Variants in SLC6A12 observed in about 807,000 individuals in gnomAD.
SLC6A12 encodes solute carrier family 6 member 12, also known as sodium- and chloride-dependent betaine transporter.
In SLC6A12, 50 loss-of-function variants were observed where a neutral mutation model predicts 73.3. The observed-to-expected ratio is 0.68, with a 90% CI of 0.54 to 0.86. The LOEUF is 0.86. Ranked by LOEUF, SLC6A12 falls within the 40% of genes least tolerant of loss-of-function variation. The pLI, the probability that SLC6A12 is intolerant of heterozygous loss-of-function variation, is 0.00. For synonymous variants in SLC6A12, 304 were observed against 309.2 expected (o/e 0.98, Z 0.18); for missense variants, 648 against 772.8 (o/e 0.84, Z 1.92).
the SLC6A12 span, among the ~76,000 whole-genome samples, chr12:184,930 C>CA: frequency 0.061 from 8,267 of 134,954 alleles, 671 homozygotes; most frequent in African/African-American, 0.18. Flanking sequence ...GAAACTGTCT[C>CA]AAAAAAAAAA....
chr12:208,400 G>A (rs1460293227), intron 3 of SLC6A12, among the ~76,000 whole-genome samples: 1 of 152,194 alleles, frequency 6.6e-6, no homozygotes, highest in African/African-American at 2.4e-5. Context: ...AAGATACACA[G>A]TAGACCCTCC....
chr12:190,157 A>G lies in SLC6A12; in HGVS notation c.*911T>C, dbSNP rs569247400. 1.6e-4 allele frequency: 25 copies of G among 152,360 alleles called. No individual in the cohort carries two copies. Among genetic ancestry groups the G allele is most frequent in the Admixed American group, 1.5e-3 (23 of 15,306 alleles). The allele number at this position is 152,360 out of a possible 1,614,324, so 9.4% of individuals were successfully genotyped here. Reference sequence around the variant, plus strand: ...GACACTGGCCTGAGCACAAGGAGATAAGGTTTTAGTCATATCTCTGGCCCC... The same window carrying G: ...GACACTGGCCTGAGCACAAGGAGATGAGGTTTTAGTCATATCTCTGGCCCC... On this transcript the variant is annotated 3_prime_UTR_variant, in exon 16 of 16. Transcript: ENST00000684302.
At chr12:206,571 T>C (rs1940656342) in intron 3 of SLC6A12, among the ~76,000 whole-genome samples, 1 of 152,270 alleles carries the variant, frequency 6.6e-6, no homozygotes, top group African/African-American at 2.4e-5. Flanking sequence ...TGCACCAATC[T>C]GCATTCCTGA....
chr12:200,911 C>T, intron 6 of SLC6A12, 128 bp from the exon 7 acceptor site: 1 of 884,656 alleles, frequency 1.1e-6, no homozygotes, highest in Non-Finnish European at 1.7e-6. Context: ...CCCCACTCCC[C>T]ACCTCCCCCA....
At chr12:188,301 A>C (rs1939474979), downstream of SLC6A12, among the ~76,000 whole-genome samples, 1 of 152,186 alleles carries the variant, frequency 6.6e-6, no homozygotes, top group Non-Finnish European at 1.5e-5. Context: ...AATTGAGCAC[A>C]GCAGCTGCTG....
At chr12:209,681 A>G in intron 3 of SLC6A12, 92 bp downstream of exon 3, 1 of 1,399,158 alleles carries the variant, frequency 7.1e-7, no homozygotes, top group East Asian at 2.3e-5. Flanking sequence ...CCTTTTATAA[A>G]CCACACTGCC....
chr12:210,941 C>G (rs1048403071), intron 2 of SLC6A12, among the ~76,000 whole-genome samples: 1 of 152,222 alleles, frequency 6.6e-6, no homozygotes, highest in African/African-American at 2.4e-5. Flanking sequence ...ACTCTCTGTC[C>G]CTTGGCCTGC....
the SLC6A12 span, among the ~76,000 whole-genome samples, chr12:184,720 A>G: frequency 6.6e-6 from 1 of 152,070 alleles, no homozygotes; most frequent in African/African-American, 2.4e-5. Flanking sequence ...ACTGCACTCT[A>G]GCCTGGGCGA....
At chr12:194,556 A>G (rs1470991230) in intron 13 of SLC6A12, among the ~76,000 whole-genome samples, 2 of 152,330 alleles carry the variant, frequency 1.3e-5, no homozygotes, top group African/African-American at 4.8e-5. Context: ...CCCCCTGCAC[A>G]GATTGTAAGT....
chr12:202,701 C>G, intron 5 of SLC6A12, 39 bp downstream of exon 5: 2 of 1,600,262 alleles, frequency 1.2e-6, no homozygotes, highest in East Asian at 2.2e-5. Flanking sequence ...CAGCCCAGCC[C>G]CTAACAGGCA....
downstream of SLC6A12, among the ~76,000 whole-genome samples, chr12:187,630 A>AAAAAAAAAAAAAAAAAAAAAC (rs1565461372): frequency 3.5e-5 from 2 of 57,580 alleles, no homozygotes; most frequent in African/African-American, 1.4e-4. Flanking sequence ...AAAAAAAAAA[A>AAAAAAAAAAAAAAAAAAAAAC]ACAAACCACA....
At chr12:196,915 C>A in intron 10 of SLC6A12, 33 bp from the exon 11 acceptor site, 1 of 1,516,320 alleles carries the variant, frequency 6.6e-7, no homozygotes, top group Non-Finnish European at 9.2e-7. Flanking sequence ...AGGGAGGCTC[C>A]AGGGCGTGTG....
Position 192,458 on chromosome 12 carries a change from C to T in SLC6A12, c.1701+20G>A. On this transcript the variant is annotated intron_variant, in intron 15 of 15. Coordinates refer to ENST00000684302, the MANE Select transcript of SLC6A12 (RefSeq NM_001122848.3). The stretch of plus-strand genomic sequence containing the variant: ...CTCAGTGCCCTCCTTTAAGAGGTCA[C>T]TCTCCCCTACACCACCTACCTTCCT... The T allele has an allele frequency of 1.9e-6, 3 of 1,612,562 alleles. No individual in the cohort carries two copies. The highest frequency in any genetic ancestry group is 2.5e-6 in the Non-Finnish European group (3 of 1,178,852).
At chr12:210,173 TC>T in intron 2 of SLC6A12, 130 bp from the exon 3 acceptor site, 1 of 1,254,258 alleles carries the variant, frequency 8.0e-7, no homozygotes, top group Non-Finnish European at 1.1e-6. Context: ...CACCTAAAGT[TC>T]CAGTTCGTTC....
At chr12:187,234 G>A (rs1296787517), downstream of SLC6A12, among the ~76,000 whole-genome samples, 2 of 152,162 alleles carry the variant, frequency 1.3e-5, no homozygotes, top group Non-Finnish European at 2.9e-5. Context: ...CCCAGAGTAA[G>A]TGGGTTCTTG....
downstream of SLC6A12, among the ~76,000 whole-genome samples, chr12:187,582 A>C (rs1261421037): frequency 8.6e-6 from 1 of 116,076 alleles, no homozygotes; most frequent in Non-Finnish European, 1.7e-5. Context: ...GATTTACTGC[A>C]AAAGAGCAAA....
rs1939551984 is a variant in SLC6A12 at position 190,643 on chromosome 12, T to C, written c.*425A>G. 6.5e-6 allele frequency: 1 copy of C among 153,502 alleles called. No homozygotes were observed. Among genetic ancestry groups the C allele is most frequent in the South Asian group, 2.1e-4 (1 of 4,834 alleles). The allele number at this position is 153,502 out of a possible 1,614,324, so 9.5% of individuals were successfully genotyped here. A position where few individuals can be genotyped will look rare whatever the true frequency, so the allele number is the denominator to read the frequency against. On this transcript the variant is annotated 3_prime_UTR_variant, in exon 16 of 16. Transcript: ENST00000684302. Reference sequence around the variant, plus strand: ...TTCAGTTGTCACTTCCAACAGGGTATTGTCCCATCAGGCTCTCCACATTGG... The same window carrying C: ...TTCAGTTGTCACTTCCAACAGGGTACTGTCCCATCAGGCTCTCCACATTGG...
chr12:202,646 G>T, intron 5 of SLC6A12, 94 bp downstream of exon 5: 1 of 1,362,104 alleles, frequency 7.3e-7, no homozygotes, highest in Non-Finnish European at 1.0e-6. Flanking sequence ...GGCAGGTTCT[G>T]CTACACTTAT....
In SLC6A12 at chr12:197,417, G is replaced by A; in HGVS notation, c.1035C>T (p.Ser345=). ...CAGAAATGGGCACCCCTTGCTCTTG[G>A]GACATGAAGCCCAGGATGGAGAAGA... ...FVVFSILGFM[S]QEQGVPISEV... Residue 345 remains serine (S), a synonymous_variant, in exon 10 of 16, where the codon TCC becomes TCT. Coordinates refer to ENST00000684302, the MANE Select transcript of SLC6A12 (RefSeq NM_001122848.3). 1 of 1,613,814 alleles carries A rather than the reference G, an allele frequency of 6.2e-7. No individual in the cohort carries two copies. Among genetic ancestry groups the A allele is most frequent in the Non-Finnish European group, 8.5e-7 (1 of 1,179,882 alleles).
Sources: gnomAD v4.1 joint callset for allele counts (sites outside exome capture counted in the v4.1 genomes callset) on GRCh38, gnomAD v4.1.1 for gene constraint, MANE v1.5 for transcripts, NCBI Gene and HGNC (gene_info 2026-07-23, HGNC 2026-07-21) for gene names.